Variants in GAB2 observed in about 807,000 individuals in gnomAD.
GAB2 encodes the protein GRB2 associated binding protein 2, also known as GRB2-associated-binding protein 2.
GAB2 carries 26 observed loss-of-function variants against 65.5 expected under a neutral mutation model. The ratio of observed to expected loss-of-function variants is 0.40; its 90% confidence interval spans 0.29 to 0.55. The LOEUF (loss-of-function observed/expected upper bound fraction) is 0.55. GAB2 is among the 20% of genes least tolerant of loss of function. The pLI, the probability that GAB2 is intolerant of heterozygous loss-of-function variation, is 0.53. For synonymous variants in GAB2, 321 were observed against 329.6 expected, an observed-to-expected ratio of 0.97 and a Z score of 0.28; for missense variants, 884 against 875.8, an observed-to-expected ratio of 1.01 and a Z score of -0.12.
intron 1 of GAB2, among the ~76,000 whole-genome samples, chr11:78,367,904 C>T (rs1856518973): frequency 6.6e-6 from 1 of 151,118 alleles, no homozygotes; most frequent in South Asian, 2.1e-4. Context: ...GCAAGCTCCG[C>T]CTCCCGGATT....
At chr11:78,256,928 C>T (rs114604134) in intron 2 of GAB2, among the ~76,000 whole-genome samples, 1,704 of 152,232 alleles carry the variant, frequency 0.011, 30 homozygotes, top group African/African-American at 0.032. Flanking sequence ...TTTCTAGACT[C>T]CTGGCCTGAG....
chr11:78,265,223 T>TATATATATATATAA (rs1491026659), intron 2 of GAB2, among the ~76,000 whole-genome samples: 2 of 146,168 alleles, frequency 1.4e-5, no homozygotes, highest in East Asian at 4.0e-4. Context: ...TATATATATA[T>TATATATATATATAA]AAAAGCACTC....
intron 3 of GAB2, among the ~76,000 whole-genome samples, chr11:78,242,775 C>T (rs1865175559): frequency 6.6e-6 from 1 of 152,072 alleles, no homozygotes; most frequent in African/African-American, 2.4e-5. Flanking sequence ...CAAAATAAAA[C>T]TGATCAACAA....
intron 1 of GAB2, among the ~76,000 whole-genome samples, chr11:78,346,722 A>ATTTTT (rs1377368541): frequency 3.2e-5 from 1 of 30,794 alleles, no homozygotes; most frequent in South Asian, 1.1e-3. Context: ...TATATATATA[A>ATTTTT]TTTTTTTTTT....
chr11:78,321,564 A>G (rs1274986017), intron 1 of GAB2, among the ~76,000 whole-genome samples: 3 of 152,214 alleles, frequency 2.0e-5, no homozygotes, highest in Non-Finnish European at 4.4e-5. Context: ...CACAGTTCAC[A>G]CTGCATTTCC....
intron 1 of GAB2, among the ~76,000 whole-genome samples, chr11:78,291,092 T>G (rs1260755550): frequency 6.6e-6 from 1 of 152,012 alleles, no homozygotes; most frequent in Admixed American, 6.6e-5. Context: ...TGGCAGGATT[T>G]GTTTGTTGAC....
At chr11:78,228,438 A>T (rs2134474005) in intron 3 of GAB2, among the ~76,000 whole-genome samples, 1 of 152,334 alleles carries the variant, frequency 6.6e-6, no homozygotes, top group East Asian at 1.9e-4. Context: ...CAGAAAAGGC[A>T]AATCTCGTAT....
At chr11:78,378,802 T>C (rs1856663952) in intron 1 of GAB2, among the ~76,000 whole-genome samples, 1 of 152,224 alleles carries the variant, frequency 6.6e-6, no homozygotes, top group Non-Finnish European at 1.5e-5. Context: ...ACACTTCTTA[T>C]ATTTAACCAA....
At position 78,219,533 on chromosome 11, in the gene GAB2, C is replaced by T. The variant is rs1864313333; in HGVS notation, c.1888-118G>A. Reference sequence around the variant, plus strand: ...GAAGGGGAGAAGAGCATGGCCTCTGCCTGCCACTGACCAGCCTCAGGAGCC... The same window carrying T: ...GAAGGGGAGAAGAGCATGGCCTCTGTCTGCCACTGACCAGCCTCAGGAGCC... On this transcript the variant is annotated intron_variant, in intron 9 of 9. Coordinates refer to ENST00000361507, the MANE Select transcript of GAB2 (RefSeq NM_080491.3). The T allele has an allele frequency of 4.4e-6, 4 of 906,206 alleles. No homozygotes were observed. The Admixed American group carries it at 6.0e-5, about 14-fold the overall frequency. 56.1% of individuals were successfully genotyped at this position (906,206 alleles called of 1,614,324 possible).
chr11:78,326,597 C>T (rs757582218), intron 1 of GAB2, among the ~76,000 whole-genome samples: 22 of 151,796 alleles, frequency 1.4e-4, no homozygotes, highest in Admixed American at 2.0e-4. Flanking sequence ...TATCTTTTTC[C>T]AAAAAAAGAG....
At chr11:78,345,262 G>T (rs1468861408) in intron 1 of GAB2, among the ~76,000 whole-genome samples, 2 of 152,040 alleles carry the variant, frequency 1.3e-5, no homozygotes, top group African/African-American at 4.8e-5. Flanking sequence ...CTGAGCAATG[G>T]GAATGAAATC....
At chr11:78,232,082 A>G (rs758521623) in intron 3 of GAB2, 8 of 152,232 alleles carry the variant, frequency 5.3e-5, no homozygotes, top group Non-Finnish European at 8.8e-5. Context: ...CTGGTTACAG[A>G]GCAAAGCTGT....
intron 3 of GAB2, among the ~76,000 whole-genome samples, chr11:78,239,316 G>A (rs1211882566): frequency 6.6e-6 from 1 of 152,138 alleles, no homozygotes; most frequent in African/African-American, 2.4e-5. Flanking sequence ...CACCTCCTGG[G>A]TTCAAGCGAT....
At chr11:78,395,509 T>C (rs1372032056) in intron 1 of GAB2, among the ~76,000 whole-genome samples, 1 of 152,214 alleles carries the variant, frequency 6.6e-6, no homozygotes, top group African/African-American at 2.4e-5. Context: ...GCCACAAGCC[T>C]GGTTAGAGTA....
intron 1 of GAB2, among the ~76,000 whole-genome samples, chr11:78,361,096 A>T (rs1235897364): frequency 6.6e-6 from 1 of 152,214 alleles, no homozygotes; most frequent in Non-Finnish European, 1.5e-5. Context: ...AATGCATAAA[A>T]TGCTTAGATT....
At chr11:78,372,089 T>C (rs937500178) in intron 1 of GAB2, among the ~76,000 whole-genome samples, 3 of 152,206 alleles carry the variant, frequency 2.0e-5, no homozygotes, top group African/African-American at 7.2e-5. Flanking sequence ...AGAAGAGAGA[T>C]TACTGCTATG....
intron 1 of GAB2, among the ~76,000 whole-genome samples, chr11:78,356,232 G>C (rs1317265606): frequency 6.7e-6 from 1 of 150,294 alleles, no homozygotes; most frequent in Non-Finnish European, 1.5e-5. Flanking sequence ...TTAGAAATTA[G>C]ACCCCTTCAG....
chr11:78,235,216 G>A (rs746350775), intron 3 of GAB2, among the ~76,000 whole-genome samples: 1 of 151,722 alleles, frequency 6.6e-6, no homozygotes, highest in African/African-American at 2.4e-5. Context: ...GCAGTGGCAC[G>A]ATCTCGGCTC....
At chr11:78,224,737 C>A (rs1367848809) in intron 5 of GAB2, among the ~76,000 whole-genome samples, 1 of 152,072 alleles carries the variant, frequency 6.6e-6, no homozygotes, top group African/African-American at 2.4e-5. Flanking sequence ...ACTGTGAGTA[C>A]CACCCTTGCC....
Sources: gnomAD v4.1 joint callset for allele counts (sites outside exome capture counted in the v4.1 genomes callset) on GRCh38, gnomAD v4.1.1 for gene constraint, MANE v1.5 for transcripts, NCBI Gene and HGNC (gene_info 2026-07-23, HGNC 2026-07-21) for gene names.